Variants in BPTF observed in about 807,000 individuals in gnomAD.
BPTF encodes the protein nucleosome-remodeling factor subunit BPTF.
Under a neutral mutation model 292.5 loss-of-function variants are expected in BPTF, and 18 were observed. The observed-to-expected ratio is 0.06, with a 90% CI of 0.04 to 0.09. The LOEUF (loss-of-function observed/expected upper bound fraction) is 0.09, where lower values mean the gene tolerates loss of function less well. Among genes scored for constraint, BPTF ranks in the 10% least tolerant of loss-of-function variants. The probability of loss-of-function intolerance (pLI) is 1.00; values close to 1 mark genes in which losing one functional copy is unlikely to be tolerated. For synonymous variants in BPTF, 1,225 were observed against 1,251.9 expected (o/e 0.98, Z 0.45); for missense variants, 2,726 against 3,498.7 (o/e 0.78, Z 5.57).
rs1027381454 is a variant in BPTF, at chr17:67,948,430, A to G, written c.7926+124A>G. On this transcript the variant is annotated intron_variant, in intron 23 of 27. Transcript: ENST00000306378. ...TTTTCTAGAACTTACATTTGTGTAC[A>G]TAGAGTAAAAAGCAGTGCAGCGTGT... The G allele has an allele frequency of 5.5e-6, 5 of 910,872 alleles. No individual in the cohort carries two copies. The Admixed American group carries it at 1.4e-4, about 26-fold the overall frequency. The allele number at this position is 910,872 out of a possible 1,614,324, so 56.4% of individuals were successfully genotyped here. A position where few individuals can be genotyped will look rare whatever the true frequency, so the allele number is the denominator to read the frequency against.
intron 14 of BPTF, 66 bp downstream of exon 14, chr17:67,923,056 CTTT>C (rs1204420514): frequency 6.8e-3 from 8,046 of 1,183,862 alleles, no homozygotes; most frequent in South Asian, 0.01. Flanking sequence ...CAATAAATTA[CTTT>C]TTTTTTTTTT....
intron 18 of BPTF, among the ~76,000 whole-genome samples, chr17:67,934,742 C>T (rs1444851646): frequency 6.7e-6 from 1 of 149,596 alleles, no homozygotes. Flanking sequence ...TGTGGTGGTG[C>T]ACACCTGTAG....
intron 27 of BPTF, among the ~76,000 whole-genome samples, chr17:67,976,313 A>T (rs1365069549): frequency 6.6e-6 from 1 of 152,200 alleles, no homozygotes; most frequent in African/African-American, 2.4e-5. Context: ...TCTCTACCAA[A>T]AATACAAAAA....
In BPTF at chr17:67,964,549, C is replaced by G. The variant is rs146846591; in HGVS notation, c.8454+145C>G. 1.1e-3 allele frequency: 1,031 copies of G among 912,438 alleles called. 8 individuals carry two copies. The African/African-American group carries it at 0.015, about 14-fold the overall frequency. The allele number at this position is 912,438 out of a possible 1,614,324, so 56.5% of individuals were successfully genotyped here. Reference sequence around the variant, plus strand: ...AGTGAAGTGCCTAACAAACTGCAGTCCTTCACGTACCAGTGCCATGAGCTT... The same window carrying G: ...AGTGAAGTGCCTAACAAACTGCAGTGCTTCACGTACCAGTGCCATGAGCTT... On this transcript the variant is annotated intron_variant, in intron 25 of 27. Transcript: ENST00000306378.
intron 19 of BPTF, among the ~76,000 whole-genome samples, chr17:67,942,024 G>T (rs1242061019): frequency 6.6e-6 from 1 of 152,166 alleles, no homozygotes; most frequent in Non-Finnish European, 1.5e-5. Context: ...AACAGGCAAG[G>T]TGCGGTGGCT....
At chr17:67,889,325 G>A (rs1222313742) in intron 4 of BPTF, among the ~76,000 whole-genome samples, 1 of 152,168 alleles carries the variant, frequency 6.6e-6, no homozygotes, top group Non-Finnish European at 1.5e-5. Flanking sequence ...AAGTGATAAA[G>A]GATTGACTCT....
intron 11 of BPTF, among the ~76,000 whole-genome samples, chr17:67,916,999 T>C (rs760418716): frequency 1.3e-5 from 2 of 152,032 alleles, no homozygotes; most frequent in Non-Finnish European, 1.5e-5. Flanking sequence ...GTTAAGTAAA[T>C]TTATTTTGAA....
chr17:67,886,863 A>G (rs921465430), intron 4 of BPTF, among the ~76,000 whole-genome samples: 1 of 152,202 alleles, frequency 6.6e-6, no homozygotes, highest in Non-Finnish European at 1.5e-5. Context: ...TGGATGAACC[A>G]TAATTCATCT....
intron 25 of BPTF, among the ~76,000 whole-genome samples, 167 bp downstream of exon 25, chr17:67,964,571 G>GC (rs1474677144): frequency 6.6e-6 from 1 of 152,162 alleles, no homozygotes; most frequent in Non-Finnish European, 1.5e-5. Context: ...AGTGCCATGA[G>GC]CTTTACCATA....
intron 2 of BPTF, among the ~76,000 whole-genome samples, chr17:67,856,684 G>T (rs1451560900): frequency 6.6e-6 from 1 of 151,950 alleles, no homozygotes; most frequent in East Asian, 1.9e-4. Context: ...TGGCATGGAA[G>T]GGCCTTTTCC....
At chr17:67,947,631 A>C in intron 21 of BPTF, 95 bp from the exon 22 acceptor site, 1 of 950,246 alleles carries the variant, frequency 1.1e-6, no homozygotes, top group Non-Finnish European at 1.5e-6. Context: ...TTCTTTAAAA[A>C]AACACATATG....
chr17:67,864,807 T>A (rs1433904811), intron 2 of BPTF, among the ~76,000 whole-genome samples: 1 of 152,060 alleles, frequency 6.6e-6, no homozygotes, highest in East Asian at 1.9e-4. Context: ...ATTTATTTAT[T>A]TTTTTGTTTA....
In BPTF at chr17:67,948,285, G is replaced by C; in HGVS notation, c.7905G>C (p.Lys2635Asn). ...EILKKRALLD[K>N]DLQIEVQEEL... ...TGAAGAAGAGAGCACTCCTGGACAA[G>C]GATCTGCAAATTGAAGTGCAGGTAA... Residue 2635 changes from lysine to asparagine, a missense_variant, in exon 23 of 28, where the codon AAG (lysine) becomes AAC (asparagine). Physicochemically the swap from Lys to Asn is moderately conservative, Grantham distance 94. This residue lies in a region of BPTF where 148 missense variants were observed against 145.5 expected (regional missense o/e 1.02). Transcript: ENST00000306378. 1 of 1,613,372 alleles carries C rather than the reference G, an allele frequency of 6.2e-7. No individual in the cohort carries two copies. The highest frequency in any genetic ancestry group is 1.1e-5 in the South Asian group (1 of 91,016).
chr17:67,852,319 A>G (rs1318375274), intron 1 of BPTF, among the ~76,000 whole-genome samples: 2 of 152,064 alleles, frequency 1.3e-5, no homozygotes, highest in Non-Finnish European at 2.9e-5. Flanking sequence ...ACATGTATGA[A>G]TTATTTTTTA....
Position 67,912,246 on chromosome 17 carries a change from A to T in BPTF, c.4362A>T (p.Ser1454=), listed in dbSNP as rs555591326. 4.3e-6 allele frequency: 7 copies of T among 1,611,796 alleles called. No individual in the cohort carries two copies. In the East Asian group the frequency reaches 1.1e-4, roughly 26 times the overall value. ...NKIIPENDIK[S]LTVKESAIRP... ...TAATCCCTGAGAATGATATTAAATC[A>T]TTGACTGTTAAAGAATCTGCTATAA... The change falls in exon 11 of 28, where the codon TCA becomes TCT. Residue 1454 remains serine (S), a synonymous_variant. Transcript: ENST00000306378.
rs527403277 is a variant in BPTF, at chr17:67,964,090, A to G, written c.8262-122A>G. ...CTGGAATGTCAATCTTGAAAGTATT[A>G]AAACCATAATACTAAAACTATTTTA... On this transcript the variant is annotated intron_variant, in intron 24 of 27. Coordinates refer to ENST00000306378, the MANE Select transcript of BPTF (RefSeq NM_182641.4). 85 of 1,005,116 alleles carry G rather than the reference A, an allele frequency of 8.5e-5. No individual in the cohort carries two copies. In the South Asian group the frequency reaches 1.4e-3, roughly 16 times the overall value. 62.3% of individuals were successfully genotyped at this position (1,005,116 alleles called of 1,614,324 possible).
At chr17:67,888,317 G>A (rs1481965627) in intron 4 of BPTF, among the ~76,000 whole-genome samples, 2 of 151,954 alleles carry the variant, frequency 1.3e-5, no homozygotes, top group African/African-American at 2.4e-5. Context: ...GGCCGGGCTC[G>A]GTGGCTCACA....
At chr17:67,828,565 G>C (rs1299333320) in intron 1 of BPTF, among the ~76,000 whole-genome samples, 1 of 152,168 alleles carries the variant, frequency 6.6e-6, no homozygotes, top group Admixed American at 6.5e-5. Flanking sequence ...TTTTGCTCTT[G>C]CTGCCCAGGC....
intron 11 of BPTF, among the ~76,000 whole-genome samples, 158 bp from the exon 12 acceptor site, chr17:67,918,556 G>A (rs927740145): frequency 2.0e-4 from 30 of 152,090 alleles, no homozygotes; most frequent in African/African-American, 7.2e-4. Context: ...TCTTTTAAAG[G>A]ACATATAATA....
Sources: allele counts gnomAD v4.1 joint callset (sites outside exome capture counted in the v4.1 genomes callset), GRCh38; gene constraint gnomAD v4.1.1; regional missense constraint gnomAD v4.1.1; transcripts MANE v1.5; gene names NCBI Gene and HGNC (gene_info 2026-07-23, HGNC 2026-07-21).